COL5A2: variants seen among roughly 807,000 people sequenced by gnomAD.
COL5A2 encodes the protein collagen alpha-2(V) chain.
Under a neutral mutation model 208.2 loss-of-function variants are expected in COL5A2, and 23 were observed. That is an observed-to-expected ratio of 0.11 (90% CI 0.08 to 0.16). The LOEUF (loss-of-function observed/expected upper bound fraction) is 0.16. Among genes scored for constraint, COL5A2 ranks in the 10% least tolerant of loss-of-function variants. The probability of loss-of-function intolerance (pLI) is 1.00; values close to 1 mark genes in which losing one functional copy is unlikely to be tolerated. For missense variants in COL5A2, 1,590 were observed against 1,956.4 expected, an observed-to-expected ratio of 0.81 and a Z score of 3.53; for synonymous variants, 625 against 628.5, an observed-to-expected ratio of 0.99 and a Z score of 0.08.
upstream of COL5A2, among the ~76,000 whole-genome samples, chr2:189,180,500 C>T (rs1433481712): frequency 1.3e-5 from 2 of 152,126 alleles, no homozygotes; most frequent in African/African-American, 4.8e-5. Context: ...ATGGGAAGTA[C>T]TCTACCTTTG....
chr2:189,120,214 G>A (rs1462110768), intron 1 of COL5A2, among the ~76,000 whole-genome samples: 1 of 152,074 alleles, frequency 6.6e-6, no homozygotes, highest in Non-Finnish European at 1.5e-5. Flanking sequence ...ATATACAGAA[G>A]CTGCAAAAGA....
chr2:189,160,263 T>C lies in COL5A2; in HGVS notation c.97+19245A>G, dbSNP rs1194805190. On this transcript the variant is annotated intron_variant, in intron 1 of 53. Transcript: ENST00000374866. ...AAGTGGGAATGCTTCATGAATTGTA[T>C]AATACTACTTATATGTAGTGTGATA... Among the ~76,000 whole-genome samples the C allele has an allele frequency of 2.0e-5, 3 of 152,316 alleles. No homozygotes were observed. In the East Asian group the frequency reaches 5.8e-4, roughly 29 times the overall value.
intron 23 of COL5A2, among the ~76,000 whole-genome samples, chr2:189,066,108 T>C (rs1686142383): frequency 6.6e-6 from 1 of 152,246 alleles, no homozygotes. Flanking sequence ...AACTATTTAC[T>C]AGTCTCCACA....
the COL5A2 span, among the ~76,000 whole-genome samples, chr2:189,294,035 C>G: frequency 6.8e-6 from 1 of 147,446 alleles, no homozygotes; most frequent in Non-Finnish European, 1.5e-5. Flanking sequence ...TTGCAGTGAG[C>G]TGAGATCATG....
intron 50 of COL5A2, among the ~76,000 whole-genome samples, chr2:189,040,380 G>A (rs992953269): frequency 3.3e-5 from 5 of 150,828 alleles, no homozygotes; most frequent in Non-Finnish European, 7.4e-5. Flanking sequence ...AAATGAGAGG[G>A]AGATAAGCAC....
chr2:189,278,428 AAAACG>A, the COL5A2 span, among the ~76,000 whole-genome samples: 1 of 152,124 alleles, frequency 6.6e-6, no homozygotes, highest in African/African-American at 2.4e-5. Context: ...GTCAGTCAAG[AAAACG>A]TATTGTATAT....
At chr2:189,327,781 G>A in the COL5A2 span, among the ~76,000 whole-genome samples, 2 of 152,130 alleles carry the variant, frequency 1.3e-5, no homozygotes, top group African/African-American at 2.4e-5. Context: ...CTGAGTTATA[G>A]ACTTAGAAAT....
intron 2 of COL5A2, among the ~76,000 whole-genome samples, chr2:189,109,564 T>C (rs1687219272): frequency 6.6e-6 from 1 of 152,186 alleles, no homozygotes; most frequent in African/African-American, 2.4e-5. Flanking sequence ...CTTACCTTGT[T>C]TATTGAAACC....
chr2:189,062,183 AAT>A (rs1491391827), intron 29 of COL5A2, among the ~76,000 whole-genome samples: 12 of 54,032 alleles, frequency 2.2e-4, no homozygotes, highest in East Asian at 2.0e-3. Flanking sequence ...TACCTTAAAT[AAT>A]TTTTTTTTTT....
the COL5A2 span, among the ~76,000 whole-genome samples, chr2:189,319,405 C>T: frequency 6.6e-6 from 1 of 152,252 alleles, no homozygotes; most frequent in Non-Finnish European, 1.5e-5. Context: ...TCAGATAATT[C>T]CCTTTCATAG....
chr2:189,346,029 C>G, the COL5A2 span, among the ~76,000 whole-genome samples: 1 of 152,242 alleles, frequency 6.6e-6, no homozygotes, highest in Non-Finnish European at 1.5e-5. Flanking sequence ...AACTTAAGTT[C>G]ATCAGCATAG....
chr2:189,066,229 G>C (rs1190895698), intron 23 of COL5A2, among the ~76,000 whole-genome samples, 161 bp downstream of exon 23: 2 of 152,216 alleles, frequency 1.3e-5, no homozygotes, highest in Non-Finnish European at 2.9e-5. Flanking sequence ...TATGAATAAT[G>C]ATTAGTCAGT....
chr2:189,283,536 T>C, the COL5A2 span, among the ~76,000 whole-genome samples: 1 of 151,690 alleles, frequency 6.6e-6, no homozygotes, highest in East Asian at 1.9e-4. Flanking sequence ...AGGGAAAATC[T>C]GAGAATGTCA....
At chr2:189,175,441 A>G (rs1349673470) in intron 1 of COL5A2, among the ~76,000 whole-genome samples, 1 of 152,114 alleles carries the variant, frequency 6.6e-6, no homozygotes, top group Non-Finnish European at 1.5e-5. Flanking sequence ...TATGGGAGCC[A>G]GGAGAGGTAG....
intron 1 of COL5A2, among the ~76,000 whole-genome samples, chr2:189,113,488 A>G (rs997118069): frequency 1.3e-5 from 2 of 151,428 alleles, no homozygotes; most frequent in African/African-American, 4.8e-5. Flanking sequence ...CTCAAAATAT[A>G]TATTATTGTG....
the COL5A2 span, among the ~76,000 whole-genome samples, chr2:189,407,243 A>G: frequency 8.9e-4 from 136 of 152,290 alleles, no homozygotes; most frequent in African/African-American, 1.8e-3. Flanking sequence ...TTTAGTTAAA[A>G]AGGTAAATGA....
intron 2 of COL5A2, among the ~76,000 whole-genome samples, chr2:189,108,622 G>T (rs1007580394): frequency 2.6e-5 from 4 of 151,718 alleles, no homozygotes; most frequent in African/African-American, 9.7e-5. Flanking sequence ...ACATGTGGTT[G>T]CCATTTCAAT....
At chr2:189,412,453 A>T in the COL5A2 span, among the ~76,000 whole-genome samples, 1 of 152,202 alleles carries the variant, frequency 6.6e-6, no homozygotes, top group African/African-American at 2.4e-5. Context: ...AGACATTTAC[A>T]ATATTTTTTG....
chr2:189,036,981 A>G (rs958049250), intron 51 of COL5A2, among the ~76,000 whole-genome samples, 178 bp from the exon 52 acceptor site: 4 of 152,184 alleles, frequency 2.6e-5, no homozygotes, highest in Non-Finnish European at 5.9e-5. Context: ...TCTACATTCT[A>G]GTCGCTATTG....
Sources: allele counts gnomAD v4.1 joint callset (sites outside exome capture counted in the v4.1 genomes callset), GRCh38; gene constraint gnomAD v4.1.1; transcripts MANE v1.5; gene names NCBI Gene and HGNC (gene_info 2026-07-23, HGNC 2026-07-21).